FBRSL1: variants seen among roughly 807,000 people sequenced by gnomAD.
FBRSL1 encodes fibrosin-1-like protein.
FBRSL1 carries 51 observed loss-of-function variants against 89.6 expected under a neutral mutation model. That is an observed-to-expected ratio of 0.57 (90% CI 0.45 to 0.72). The LOEUF (loss-of-function observed/expected upper bound fraction) is 0.72. FBRSL1 is among the 30% of genes least tolerant of loss of function. The pLI is 0.00. For missense variants in FBRSL1, 1,618 were observed against 1,451.8 expected (o/e 1.11, Z -1.86); for synonymous variants, 779 against 681.1 (o/e 1.14, Z -2.24).
intron 4 of FBRSL1, among the ~76,000 whole-genome samples, chr12:132,536,868 C>T (rs2036801953): frequency 6.6e-6 from 1 of 152,238 alleles, no homozygotes; most frequent in South Asian, 2.1e-4. Flanking sequence ...CACGTGTGTA[C>T]ATAAATGTAT....
At chr12:132,579,357 CATTT>C (rs1389877896) in intron 15 of FBRSL1, among the ~76,000 whole-genome samples, 5 of 152,162 alleles carry the variant, frequency 3.3e-5, no homozygotes, top group Non-Finnish European at 5.9e-5. Flanking sequence ...TGGTGTATCT[CATTT>C]ATTTAGGTAT....
chr12:132,506,394 C>T (rs945168347), intron 1 of FBRSL1, among the ~76,000 whole-genome samples: 1 of 152,298 alleles, frequency 6.6e-6, no homozygotes, highest in East Asian at 1.9e-4. Flanking sequence ...GTGGAGCGGG[C>T]CTGGGGGAGC....
intron 4 of FBRSL1, among the ~76,000 whole-genome samples, chr12:132,545,342 C>G (rs2037603126): frequency 6.6e-6 from 1 of 152,254 alleles, no homozygotes; most frequent in Admixed American, 6.5e-5. Context: ...TCCTTTTCTC[C>G]TCGCCCTGAT....
At chr12:132,490,931 TC>T in intron 1 of FBRSL1, 70 bp downstream of exon 1, 1 of 1,093,262 alleles carries the variant, frequency 9.1e-7, no homozygotes, top group Non-Finnish European at 1.1e-6. Context: ...CGTCGGGCGA[TC>T]CCGGGACCCC....
chr12:132,491,267 C>G (rs1312690458), intron 1 of FBRSL1, among the ~76,000 whole-genome samples: 1 of 152,210 alleles, frequency 6.6e-6, no homozygotes, highest in African/African-American at 2.4e-5. Context: ...CGCGGGCCAT[C>G]CCGTTCCCTC....
At chr12:132,544,243 AT>A (rs1303813329) in intron 4 of FBRSL1, among the ~76,000 whole-genome samples, 5 of 152,184 alleles carry the variant, frequency 3.3e-5, no homozygotes, top group African/African-American at 1.2e-4. Flanking sequence ...CACGAGGGCC[AT>A]TATTGGATGG....
intron 2 of FBRSL1, chr12:132,511,284 G>C (rs1170156555): frequency 1.0e-6 from 1 of 985,498 alleles, no homozygotes; most frequent in Non-Finnish European, 1.2e-6. Context: ...CCACAGGGTG[G>C]GCAGCGCCTT....
At chr12:132,577,660 AAC>A (rs1369320051) in intron 15 of FBRSL1, among the ~76,000 whole-genome samples, 1 of 147,026 alleles carries the variant, frequency 6.8e-6, no homozygotes, top group East Asian at 2.1e-4. Context: ...CTCCCCCAGC[AAC>A]ACAACGTGAC....
chr12:132,505,919 C>G (rs939137583), intron 1 of FBRSL1, among the ~76,000 whole-genome samples: 34 of 152,248 alleles, frequency 2.2e-4, no homozygotes, highest in African/African-American at 8.2e-4. Flanking sequence ...GACAGCCCTC[C>G]CAGAGCTTCC....
intron 15 of FBRSL1, among the ~76,000 whole-genome samples, chr12:132,579,158 C>T (rs2040581620): frequency 1.3e-5 from 2 of 152,236 alleles, no homozygotes; most frequent in Admixed American, 1.3e-4. Context: ...CCTCCTCCAT[C>T]TCCTTGGCAG....
intron 5 of FBRSL1, chr12:132,552,885 C>A (rs1410527611): frequency 6.2e-6 from 1 of 161,126 alleles, no homozygotes; most frequent in Non-Finnish European, 1.4e-5. Flanking sequence ...GGGCGCTCAC[C>A]CCGCAGTTGC....
chr12:132,574,588 G>A (rs746706811), intron 14 of FBRSL1, 24 bp downstream of exon 14: 1 of 1,544,768 alleles, frequency 6.5e-7, no homozygotes, highest in South Asian at 1.2e-5. Context: ...GGCTGGGGCA[G>A]GGCGCTTGTG....
Position 132,576,903 on chromosome 12 carries a change from C to T in FBRSL1, c.1806C>T (p.Asp602=). 2 of 1,550,292 alleles carry T rather than the reference C, an allele frequency of 1.3e-6. No homozygotes were observed. The highest frequency in any genetic ancestry group is 2.4e-5 in the South Asian group (2 of 83,884). ...GVFAGFHYPQ[D]LARPLFPSTG... ...TTGCAGGCTTCCACTACCCACAGGA[C>T]CTGGCCCGGCCCCTCTTCCCCAGCA... is the stretch of plus-strand genomic sequence containing the variant. The change falls in exon 15 of 19, where the codon GAC becomes GAT. Residue 602 remains aspartate, a synonymous_variant. Coordinates refer to ENST00000680143, the MANE Select transcript of FBRSL1 (RefSeq NM_001367871.1).
chr12:132,535,878 G>A (rs2036676811), intron 4 of FBRSL1, among the ~76,000 whole-genome samples: 1 of 151,072 alleles, frequency 6.6e-6, no homozygotes, highest in Non-Finnish European at 1.5e-5. Flanking sequence ...GATGGTGTGA[G>A]TGCACGTGTC....
chr12:132,491,080 G>A (rs2030832891), intron 1 of FBRSL1, among the ~76,000 whole-genome samples: 1 of 152,226 alleles, frequency 6.6e-6, no homozygotes, highest in Non-Finnish European at 1.5e-5. Context: ...GGTGGGTTTG[G>A]GGACGTTTTA....
At chr12:132,528,771 G>A (rs374738703) in intron 4 of FBRSL1, among the ~76,000 whole-genome samples, 54 of 151,404 alleles carry the variant, frequency 3.6e-4, no homozygotes, top group African/African-American at 1.2e-3. Flanking sequence ...GGGTGTGCCC[G>A]GGGGAAGCAG....
chr12:132,573,207 T>C (rs550689450), intron 11 of FBRSL1, among the ~76,000 whole-genome samples: 1 of 152,302 alleles, frequency 6.6e-6, no homozygotes, highest in East Asian at 1.9e-4. Context: ...CCGCCTCACC[T>C]GTGGGCCTCA....
chr12:132,500,295 C>A (rs2032759696), intron 1 of FBRSL1, among the ~76,000 whole-genome samples: 1 of 152,154 alleles, frequency 6.6e-6, no homozygotes, highest in African/African-American at 2.4e-5. Flanking sequence ...AGGCTTACAC[C>A]CCCACTGTGG....
rs186496907 is a variant in FBRSL1, at chr12:132,551,075, G to A, written c.645+3043G>A. ...TCTCTGTCCCTGGGCACTGCTGTGC[G>A]AGGCCGGCACCCCTGCCAGGGAGCA... is the stretch of plus-strand genomic sequence containing the variant. On this transcript the variant is annotated intron_variant, in intron 5 of 18. Coordinates refer to ENST00000680143, the MANE Select transcript of FBRSL1 (RefSeq NM_001367871.1). 371 of 311,968 alleles carry A rather than the reference G, an allele frequency of 1.2e-3. 3 individuals are homozygous for A. Among genetic ancestry groups the A allele is most frequent in the African/African-American group, 7.4e-3 (341 of 46,354 alleles). The allele number at this position is 311,968 out of a possible 1,614,324, so 19.3% of individuals were successfully genotyped here. A position where few individuals can be genotyped will look rare whatever the true frequency, so the allele number is the denominator to read the frequency against.
Sources: gnomAD v4.1 joint callset for allele counts (sites outside exome capture counted in the v4.1 genomes callset) on GRCh38, gnomAD v4.1.1 for gene constraint, MANE v1.5 for transcripts, NCBI Gene and HGNC (gene_info 2026-07-23, HGNC 2026-07-21) for gene names.